Variants in MRC1 observed in about 807,000 individuals in gnomAD.
MRC1 encodes the protein macrophage mannose receptor 1.
Under a neutral mutation model 102.9 loss-of-function variants are expected in MRC1, and 62 were observed. That is an observed-to-expected ratio of 0.60 (90% CI 0.49 to 0.74). The LOEUF (loss-of-function observed/expected upper bound fraction) is 0.74, where lower values mean the gene tolerates loss of function less well. MRC1 is among the 30% of genes least tolerant of loss of function. The probability of loss-of-function intolerance (pLI) is 0.00; values close to 1 mark genes in which losing one functional copy is unlikely to be tolerated. For missense variants in MRC1, 1,237 were observed against 862.8 expected, an observed-to-expected ratio of 1.43 and a Z score of -5.43; for synonymous variants, 457 against 298.4, an observed-to-expected ratio of 1.53 and a Z score of -5.48.
At chr10:17,888,933 A>G (rs1267471331) in intron 22 of MRC1, among the ~76,000 whole-genome samples, 1 of 151,866 alleles carries the variant, frequency 6.6e-6, no homozygotes, top group Non-Finnish European at 1.5e-5. Flanking sequence ...CACTTTACAT[A>G]TGTTGATGCT....
chr10:17,862,569 G>A (rs1833200098), intron 10 of MRC1, among the ~76,000 whole-genome samples: 1 of 152,106 alleles, frequency 6.6e-6, no homozygotes, highest in South Asian at 2.1e-4. Flanking sequence ...TGTATCTTCT[G>A]TAATATTTAT....
chr10:17,870,745 A>C, intron 13 of MRC1, 103 bp from the exon 14 acceptor site: 1 of 797,406 alleles, frequency 1.3e-6, no homozygotes, highest in Admixed American at 1.7e-5. Flanking sequence ...TGTACTATTA[A>C]TTTACGTTTT....
intron 6 of MRC1, among the ~76,000 whole-genome samples, chr10:17,848,734 A>G (rs1380895647): frequency 6.6e-6 from 1 of 152,206 alleles, no homozygotes; most frequent in African/African-American, 2.4e-5. Flanking sequence ...AGATCACACA[A>G]CTTACCGCAA....
intron 5 of MRC1, among the ~76,000 whole-genome samples, chr10:17,841,286 C>A (rs1311380458): frequency 6.6e-6 from 1 of 152,120 alleles, no homozygotes; most frequent in Non-Finnish European, 1.5e-5. Flanking sequence ...ATGACTGTAC[C>A]TTGAGTCATG....
At position 17,849,726 on chromosome 10, in the gene MRC1, TCGA is replaced by T; in HGVS notation, c.1212_1214del (p.Ile404_Glu405delinsMet). On this transcript the variant is annotated inframe_deletion, in exon 7 of 30. Transcript: ENST00000569591. The stretch of plus-strand genomic sequence containing the variant: ...GGTGACCTCACAAGTATCCACACCA[TCGA>T]GGAATTGGACTTTATTATCTCCCAG... 1.3e-6 allele frequency: 1 copy of T among 780,930 alleles called. No individual in the cohort carries two copies. The highest frequency in any genetic ancestry group is 2.3e-4 in the Middle Eastern group (1 of 4,442). The allele number at this position is 780,930 out of a possible 1,614,324, so 48.4% of individuals were successfully genotyped here. A position where few individuals can be genotyped will look rare whatever the true frequency, so the allele number is the denominator to read the frequency against.
chr10:17,872,581 C>G (rs1383206232), intron 15 of MRC1, among the ~76,000 whole-genome samples: 1 of 152,180 alleles, frequency 6.6e-6, no homozygotes, highest in Non-Finnish European at 1.5e-5. Context: ...AACAATCACC[C>G]TGGAGTGGCC....
Position 17,902,055 on chromosome 10 carries a change from C to G in MRC1, c.3732C>G (p.His1244Gln). The G allele has an allele frequency of 1.3e-6, 1 of 780,802 alleles. No homozygotes were observed. Among genetic ancestry groups the G allele is most frequent in the Non-Finnish European group, 2.4e-6 (1 of 417,950 alleles). The allele number at this position is 780,802 out of a possible 1,614,324, so 48.4% of individuals were successfully genotyped here. The change falls in exon 26 of 30, where the codon CAC becomes CAG. Residue 1244 changes from histidine (H) to glutamine (Q), a missense_variant. Coordinates refer to ENST00000569591, the MANE Select transcript of MRC1 (RefSeq NM_002438.4). ...DHTAWIPFHG[H>Q]CYYIESSYTR... ...CAGCATGGATTCCTTTCCATGGTCA[C>G]TGTTACTATATTGAGTCCTCATATA...
Position 17,880,572 on chromosome 10 carries a change from C to A in MRC1, c.2767C>A (p.Gln923Lys). ...NCGYPNAFIC[Q>K]RHNSSINATT... ...TGGCTATCCAAACGCCTTCATTTGC[C>A]AGCGACATAACAGTAGTATCAATGC... is the stretch of plus-strand genomic sequence containing the variant. The change falls in exon 20 of 30, where the codon CAG (glutamine) becomes AAG (lysine). Residue 923 changes from glutamine to lysine, a missense_variant. Transcript: ENST00000569591. The A allele has an allele frequency of 2.6e-6, 2 of 780,774 alleles. No individual in the cohort carries two copies. Among genetic ancestry groups the A allele is most frequent in the Non-Finnish European group, 4.8e-6 (2 of 417,944 alleles). 48.4% of individuals were successfully genotyped at this position (780,774 alleles called of 1,614,324 possible).
intron 10 of MRC1, among the ~76,000 whole-genome samples, chr10:17,862,143 A>T (rs1342719740): frequency 6.6e-6 from 1 of 152,232 alleles, no homozygotes. Context: ...TAACAAAATT[A>T]TGGAGTTTTA....
intron 22 of MRC1, among the ~76,000 whole-genome samples, chr10:17,890,684 CTG>C (rs1455939678): frequency 2.0e-5 from 3 of 152,166 alleles, no homozygotes; most frequent in Non-Finnish European, 2.9e-5. Flanking sequence ...TCGCTTCAAA[CTG>C]TGTGTGTGTT....
intron 19 of MRC1, among the ~76,000 whole-genome samples, chr10:17,880,099 T>G (rs891224418): frequency 2.1e-4 from 32 of 152,332 alleles, no homozygotes; most frequent in African/African-American, 7.7e-4. Context: ...AGAATTTGTT[T>G]ATCTATCTCC....
chr10:17,851,262 A>G, intron 7 of MRC1, among the ~76,000 whole-genome samples: 1 of 152,300 alleles, frequency 6.6e-6, no homozygotes, highest in Non-Finnish European at 1.5e-5. Flanking sequence ...ATTAGTAAAT[A>G]AATTAGAAAA....
At chr10:17,899,226 G>T (rs1276259419) in intron 24 of MRC1, among the ~76,000 whole-genome samples, 1 of 152,182 alleles carries the variant, frequency 6.6e-6, no homozygotes, top group Non-Finnish European at 1.5e-5. Flanking sequence ...CCTAAGTAGG[G>T]AAGTGTGTAT....
In MRC1 at chr10:17,866,436, C is replaced by T. The variant is rs1358886398; in HGVS notation, c.1784-126C>T. On this transcript the variant is annotated intron_variant, in intron 11 of 29. Transcript: ENST00000569591. The stretch of plus-strand genomic sequence containing the variant: ...TTAGAAATATAAAGTGTTACAAACC[C>T]CCCTGCATCTGAGATCATAATTGGG... 10 of 765,614 alleles carry T rather than the reference C, an allele frequency of 1.3e-5. No individual in the cohort carries two copies. The African/African-American group carries it at 1.4e-4, about 10-fold the overall frequency. The allele number at this position is 765,614 out of a possible 1,614,324, so 47.4% of individuals were successfully genotyped here.
chr10:17,870,122 G>T, intron 12 of MRC1, 124 bp from the exon 13 acceptor site: 1 of 682,640 alleles, frequency 1.5e-6, no homozygotes. Flanking sequence ...GAATTACATT[G>T]TTTTGAGTCA....
chr10:17,875,026 G>A (rs1312598757), intron 16 of MRC1, 64 bp from the exon 17 acceptor site: 11 of 780,310 alleles, frequency 1.4e-5, no homozygotes, highest in Non-Finnish European at 2.4e-5. Context: ...TTTGTGTGCT[G>A]TACACACCAG....
At chr10:17,819,290 G>T (rs1026938488) in intron 1 of MRC1, among the ~76,000 whole-genome samples, 3 of 152,118 alleles carry the variant, frequency 2.0e-5, no homozygotes, top group African/African-American at 7.2e-5. Context: ...AGTCAGGCCC[G>T]GCTCCTCCCA....
At chr10:17,874,960 T>C (rs1023185915) in intron 16 of MRC1, 130 bp from the exon 17 acceptor site, 5 of 737,358 alleles carry the variant, frequency 6.8e-6, no homozygotes, top group Admixed American at 1.9e-5. Context: ...ATTCTGCTGT[T>C]CTGGTCTCTC....
At chr10:17,827,267 A>G (rs1838490308) in intron 2 of MRC1, among the ~76,000 whole-genome samples, 1 of 151,344 alleles carries the variant, frequency 6.6e-6, no homozygotes, top group Non-Finnish European at 1.5e-5. Flanking sequence ...AAAATGTCCC[A>G]AAACGCAGTG....
Sources: gnomAD v4.1 joint callset for allele counts (sites outside exome capture counted in the v4.1 genomes callset) on GRCh38, gnomAD v4.1.1 for gene constraint, MANE v1.5 for transcripts, NCBI Gene and HGNC (gene_info 2026-07-23, HGNC 2026-07-21) for gene names.